Variants in HPSE2 observed in about 807,000 individuals in gnomAD.
The protein encoded by HPSE2 is inactive heparanase-2.
In HPSE2, 38 loss-of-function variants were observed where a neutral mutation model predicts 60.5. The observed-to-expected ratio is 0.63, with a 90% confidence interval of 0.48 to 0.82. The LOEUF (loss-of-function observed/expected upper bound fraction) is 0.82, where lower values mean the gene tolerates loss of function less well. Among genes scored for constraint, HPSE2 ranks in the 40% least tolerant of loss-of-function variants. HPSE2 has a pLI of 0.00. For missense variants in HPSE2, 713 were observed against 740.4 expected (o/e 0.96, Z 0.43); for synonymous variants, 295 against 293.2 (o/e 1.01, Z -0.06).
chr10:98,608,080 G>C (rs1945645199), intron 9 of HPSE2, among the ~76,000 whole-genome samples: 1 of 150,022 alleles, frequency 6.7e-6, no homozygotes, highest in Non-Finnish European at 1.5e-5. Context: ...TCCATTTTAT[G>C]AGAGGAAATT....
chr10:98,722,714 A>G (rs1948958932), intron 4 of HPSE2, among the ~76,000 whole-genome samples: 1 of 152,192 alleles, frequency 6.6e-6, no homozygotes, highest in South Asian at 2.1e-4. Context: ...CCCTGAAACG[A>G]GCAGCTCCAC....
At chr10:98,909,985 A>C (rs547218832) in intron 3 of HPSE2, among the ~76,000 whole-genome samples, 3 of 152,200 alleles carry the variant, frequency 2.0e-5, no homozygotes, top group African/African-American at 7.2e-5. Context: ...ATGATTACTT[A>C]ATACTCATCT....
intron 9 of HPSE2, among the ~76,000 whole-genome samples, chr10:98,573,582 C>T (rs1023489242): frequency 6.6e-6 from 1 of 152,186 alleles, no homozygotes; most frequent in African/African-American, 2.4e-5. Flanking sequence ...CGCTTGACTC[C>T]TGCTCTTAGG....
At chr10:98,664,490 C>T (rs1947308785) in intron 6 of HPSE2, among the ~76,000 whole-genome samples, 1 of 152,122 alleles carries the variant, frequency 6.6e-6, no homozygotes, top group Admixed American at 6.5e-5. Flanking sequence ...GGGCACAGTA[C>T]CACCGATCAG....
At chr10:98,899,684 G>C (rs1438283759) in intron 3 of HPSE2, among the ~76,000 whole-genome samples, 2 of 150,940 alleles carry the variant, frequency 1.3e-5, no homozygotes, top group African/African-American at 4.9e-5. Context: ...AGGAGGTAGA[G>C]GAATGAAAAT....
chr10:98,585,549 C>T (rs1341185593), intron 9 of HPSE2, among the ~76,000 whole-genome samples: 1 of 151,234 alleles, frequency 6.6e-6, no homozygotes, highest in East Asian at 2.0e-4. Flanking sequence ...GGATTACAGG[C>T]ATGAGCCACC....
chr10:98,652,400 A>G (rs528556), intron 6 of HPSE2, among the ~76,000 whole-genome samples: 21,679 of 152,096 alleles, frequency 0.14, 1,994 homozygotes, highest in East Asian at 0.23. Context: ...TTCAACAACC[A>G]GTCCCACATA....
intron 3 of HPSE2, among the ~76,000 whole-genome samples, chr10:98,904,059 G>A (rs1328038779): frequency 6.6e-6 from 1 of 152,112 alleles, no homozygotes; most frequent in Non-Finnish European, 1.5e-5. Context: ...ATGTAAACAT[G>A]TCTACAAAAG....
intron 3 of HPSE2, among the ~76,000 whole-genome samples, chr10:99,119,332 C>T (rs932338284): frequency 1.3e-5 from 2 of 152,136 alleles, no homozygotes; most frequent in Non-Finnish European, 1.5e-5. Context: ...GGAATGCAAT[C>T]CCATTCACAA....
chr10:98,492,493 T>C lies in HPSE2; in HGVS notation c.1321-2297A>G, dbSNP rs1591264506. 4.2e-5 allele frequency among the ~76,000 whole-genome samples: 6 copies of C among 141,410 alleles called. No individual in the cohort carries two copies. The South Asian group carries it at 6.9e-4, about 16-fold the overall frequency. 92.8% of individuals were successfully genotyped at this position (141,410 alleles called of 152,430 possible). The stretch of plus-strand genomic sequence containing the variant: ...CTCCAGCCTGGGCAACAGAACGAGA[T>C]TCCGTCTCAAAAAAGACAAAAAAAA... On this transcript the variant is annotated intron_variant, in intron 9 of 11. Transcript: ENST00000370552.
the HPSE2 span, among the ~76,000 whole-genome samples, chr10:99,306,516 T>C: frequency 3.6e-4 from 55 of 152,168 alleles, no homozygotes; most frequent in African/African-American, 1.3e-3. Context: ...AACCTCATTA[T>C]GTGAATAATA....
intron 3 of HPSE2, among the ~76,000 whole-genome samples, chr10:99,066,943 G>T (rs904458736): frequency 6.6e-6 from 1 of 152,138 alleles, no homozygotes; most frequent in Non-Finnish European, 1.5e-5. Context: ...AAAATCAAAA[G>T]CAAGTTAGTT....
intron 3 of HPSE2, among the ~76,000 whole-genome samples, chr10:99,002,233 G>A (rs1956793106): frequency 1.3e-5 from 2 of 151,944 alleles, no homozygotes; most frequent in South Asian, 4.1e-4. Context: ...TCAATAAATG[G>A]GGAGAAAAGA....
At chr10:99,134,757 G>T (rs11517064) in intron 3 of HPSE2, among the ~76,000 whole-genome samples, 74,968 of 151,980 alleles carry the variant, frequency 0.49, 20,958 homozygotes, top group East Asian at 0.65. Flanking sequence ...TATCAGCCAC[G>T]GCAAAAACAT....
At chr10:98,836,654 G>T (rs1001822309) in intron 3 of HPSE2, among the ~76,000 whole-genome samples, 4 of 152,196 alleles carry the variant, frequency 2.6e-5, no homozygotes, top group Non-Finnish European at 4.4e-5. Flanking sequence ...CTGACCATAA[G>T]AATTTATTCT....
At chr10:98,876,500 G>T (rs1012539219) in intron 3 of HPSE2, among the ~76,000 whole-genome samples, 6 of 151,902 alleles carry the variant, frequency 3.9e-5, no homozygotes, top group African/African-American at 1.4e-4. Flanking sequence ...GTTGAATGAT[G>T]AATTAATGCA....
At chr10:98,491,016 G>A (rs1388598261) in intron 9 of HPSE2, among the ~76,000 whole-genome samples, 8 of 152,134 alleles carry the variant, frequency 5.3e-5, no homozygotes, top group Admixed American at 5.2e-4. Flanking sequence ...ACCAGCTATT[G>A]TGAGGTAATG....
chr10:98,818,538 T>C (rs1162714238), intron 3 of HPSE2, among the ~76,000 whole-genome samples: 1 of 152,154 alleles, frequency 6.6e-6, no homozygotes, highest in South Asian at 2.1e-4. Context: ...CATGGACCAG[T>C]ACCCCTCTGT....
chr10:98,574,213 T>C (rs1031814317), intron 9 of HPSE2, among the ~76,000 whole-genome samples: 1 of 152,220 alleles, frequency 6.6e-6, no homozygotes, highest in Non-Finnish European at 1.5e-5. Flanking sequence ...GTATCTTCAG[T>C]GTATGACAAA....
Sources: gnomAD v4.1 joint callset for allele counts (sites outside exome capture counted in the v4.1 genomes callset) on GRCh38, gnomAD v4.1.1 for gene constraint, MANE v1.5 for transcripts, NCBI Gene and HGNC (gene_info 2026-07-23, HGNC 2026-07-21) for gene names.